The following ZNF83 variants were observed in gnomAD, a reference collection of about 807,000 sequenced individuals.
ZNF83 encodes the protein zinc finger protein 816B.
For synonymous variants in ZNF83, 209 were observed against 213.0 expected (o/e 0.98, Z 0.17); for missense variants, 552 against 629.9 (o/e 0.88, Z 1.32).
At chr19:52,639,420 T>C (rs1279618287), upstream of ZNF83, among the ~76,000 whole-genome samples, 4 of 139,582 alleles carry the variant, frequency 2.9e-5, 1 homozygote, top group Admixed American at 7.3e-5. Context: ...TTTCTATTTT[T>C]TTTTTTTTTT....
At chr19:52,687,595 T>A (rs2062057893) in intron 1 of ZNF83, among the ~76,000 whole-genome samples, 2 of 33,268 alleles carry the variant, frequency 6.0e-5, no homozygotes, top group Non-Finnish European at 9.6e-5. Context: ...TATATATATA[T>A]AATGTATATA....
intron 2 of ZNF83, among the ~76,000 whole-genome samples, chr19:52,659,908 C>T (rs1217406504): frequency 6.6e-6 from 1 of 152,078 alleles, no homozygotes; most frequent in Non-Finnish European, 1.5e-5. Context: ...AGATATTTCT[C>T]GGCTGGGTGG....
chr19:52,645,069 C>A (rs2061355543), intron 3 of ZNF83, among the ~76,000 whole-genome samples: 1 of 150,692 alleles, frequency 6.6e-6, no homozygotes. Flanking sequence ...GCCAATCCAA[C>A]CCATCTTTCA....
exon 3 of ZNF83, chr19:52,613,447 T>A (rs149980539): frequency 6.8e-6 from 11 of 1,613,998 alleles, no homozygotes; most frequent in African/African-American, 4.0e-5. Context: ...ATCACACTTA[T>A]AAGGTTTCTC....
intron 2 of ZNF83, among the ~76,000 whole-genome samples, chr19:52,631,136 G>A (rs200391799): frequency 0.11 from 14,255 of 135,174 alleles, 785 homozygotes; most frequent in South Asian, 0.18. Flanking sequence ...CTGTACTGCC[G>A]CAAGGCTTCA....
intron 2 of ZNF83, among the ~76,000 whole-genome samples, chr19:52,627,189 GCCCCAC>G (rs2060773627): frequency 7.1e-6 from 1 of 141,148 alleles, no homozygotes; most frequent in African/African-American, 2.6e-5. Flanking sequence ...CTATAAAACT[GCCCCAC>G]CCCATCTCCT....
intron 1 of ZNF83, among the ~76,000 whole-genome samples, chr19:52,672,769 T>G (rs1432243638): frequency 6.6e-6 from 1 of 152,140 alleles, no homozygotes; most frequent in Non-Finnish European, 1.5e-5. Flanking sequence ...TGGGTTAATT[T>G]TTGTATTTTT....
intron 1 of ZNF83, among the ~76,000 whole-genome samples, chr19:52,681,311 CAT>C (rs1326700201): frequency 2.0e-5 from 2 of 100,256 alleles, no homozygotes; most frequent in African/African-American, 7.0e-5. Context: ...AGCAAACGAA[CAT>C]AGAGTTTTCT....
At chr19:52,642,879 G>A (rs532114956), upstream of ZNF83, among the ~76,000 whole-genome samples, 14 of 152,056 alleles carry the variant, frequency 9.2e-5, no homozygotes, top group East Asian at 5.8e-4. Flanking sequence ...AAATTGGGCC[G>A]GGCACCATGG....
chr19:52,619,184 G>A, intron 2 of ZNF83: 2 of 1,604,912 alleles, frequency 1.2e-6, no homozygotes, highest in Admixed American at 3.4e-5. Flanking sequence ...ATCTGAGTAA[G>A]GGATTTTTCA....
intron 1 of ZNF83, chr19:52,635,626 A>T (rs1425736206): frequency 6.6e-6 from 1 of 152,224 alleles, no homozygotes; most frequent in Non-Finnish European, 1.5e-5. Context: ...CTACTTAGGA[A>T]GCTGAGGAGA....
chr19:52,670,355 A>G (rs2061708582), intron 1 of ZNF83, among the ~76,000 whole-genome samples: 1 of 152,194 alleles, frequency 6.6e-6, no homozygotes, highest in Non-Finnish European at 1.5e-5. Context: ...ACCCTCGCCA[A>G]TAGGGGAATG....
intron 2 of ZNF83, among the ~76,000 whole-genome samples, chr19:52,615,719 G>GAAGT (rs2060280699): frequency 6.6e-6 from 1 of 152,218 alleles, no homozygotes; most frequent in South Asian, 2.1e-4. Context: ...ATTATTTCCT[G>GAAGT]AAGTTTAGGA....
chr19:52,631,425 GC>G (rs2060956564), intron 2 of ZNF83, among the ~76,000 whole-genome samples: 2 of 152,302 alleles, frequency 1.3e-5, no homozygotes, highest in Admixed American at 1.3e-4. Context: ...GCGTGCAGCA[GC>G]TGCTGCCGCC....
chr19:52,682,868 C>A (rs2061945258), intron 1 of ZNF83, among the ~76,000 whole-genome samples: 1 of 152,018 alleles, frequency 6.6e-6, no homozygotes, highest in Admixed American at 6.6e-5. Flanking sequence ...CACCTTCTCT[C>A]TCTGTCTCTC....
chr19:52,635,857 T>C (rs1455986533), intron 1 of ZNF83: 1 of 151,884 alleles, frequency 6.6e-6, no homozygotes, highest in Non-Finnish European at 1.5e-5. Flanking sequence ...TAGCTGGGCT[T>C]GGTGGGCGTC....
chr19:52,620,294 A>G (rs34106186), intron 2 of ZNF83, among the ~76,000 whole-genome samples: 73,448 of 144,526 alleles, frequency 0.51, 19,415 homozygotes, highest in East Asian at 0.69. Context: ...GTGTGTGTGT[A>G]TATATAGTTT....
upstream of ZNF83, among the ~76,000 whole-genome samples, chr19:52,640,671 C>T (rs573666054): frequency 6.6e-6 from 1 of 152,174 alleles, no homozygotes; most frequent in Non-Finnish European, 1.5e-5. Context: ...CGCCCCAGTC[C>T]ACCCCTTTAC....
intron 2 of ZNF83, among the ~76,000 whole-genome samples, chr19:52,630,602 C>T (rs2060920048): frequency 1.3e-5 from 2 of 152,068 alleles, no homozygotes; most frequent in African/African-American, 4.8e-5. Flanking sequence ...CTCACTGCTG[C>T]CCTTCTCCCC....
Sources: allele counts gnomAD v4.1 joint callset (sites outside exome capture counted in the v4.1 genomes callset), GRCh38; gene constraint gnomAD v4.1.1; transcripts MANE v1.5; gene names NCBI Gene and HGNC (gene_info 2026-07-23, HGNC 2026-07-21).